CDYL: variants seen among roughly 807,000 people sequenced by gnomAD.
CDYL encodes chromodomain Y-like protein.
Under a neutral mutation model 47.3 loss-of-function variants are expected in CDYL, and 8 were observed. The ratio of observed to expected loss-of-function variants is 0.17; its 90% CI spans 0.10 to 0.31. CDYL has a LOEUF of 0.31. Among genes scored for constraint, CDYL ranks in the 10% least tolerant of loss-of-function variants. CDYL has a pLI of 1.00. For missense variants in CDYL, 471 were observed against 701.4 expected, an observed-to-expected ratio of 0.67 and a Z score of 3.71; for synonymous variants, 266 against 265.0, an observed-to-expected ratio of 1.00 and a Z score of -0.04.
intron 2 of CDYL, among the ~76,000 whole-genome samples, chr6:4,923,889 A>C (rs1430385121): frequency 4.2e-5 from 5 of 119,664 alleles, no homozygotes; most frequent in African/African-American, 1.3e-4. Context: ...TGACAGAGTG[A>C]GACTCCGTCT....
chr6:4,793,256 C>T (rs539080678), intron 1 of CDYL, among the ~76,000 whole-genome samples: 13 of 152,298 alleles, frequency 8.5e-5, no homozygotes, highest in African/African-American at 2.6e-4. Context: ...GATATAGCAG[C>T]GGGCATGACC....
chr6:4,709,681 C>T (rs1355520784), intron 1 of CDYL, among the ~76,000 whole-genome samples: 3 of 152,156 alleles, frequency 2.0e-5, no homozygotes, highest in Non-Finnish European at 4.4e-5. Flanking sequence ...TATATCTTTA[C>T]ACCTTTTTAA....
chr6:4,870,205 C>CAGGTGTGTGCCACTG (rs112540598), intron 1 of CDYL, among the ~76,000 whole-genome samples: 2 of 152,162 alleles, frequency 1.3e-5, no homozygotes, highest in East Asian at 1.9e-4. Context: ...GCTTGGACTA[C>CAGGTGTGTGCCACTG]AGGTGTGTGC....
At position 4,731,884 on chromosome 6, in the gene CDYL, G is replaced by A. The variant is rs370413519; in HGVS notation, c.104-2878G>A. 7.2e-5 allele frequency among the ~76,000 whole-genome samples: 11 copies of A among 152,004 alleles called. No individual in the cohort carries two copies. In the East Asian group the frequency reaches 1.9e-3, roughly 27 times the overall value. ...ATATGCAAGAAAATTCAAGGGACTA[G>A]TAATCTGTGGAAGGAGGGGGAAGAT... On this transcript the variant is annotated intron_variant, in intron 2 of 8. Transcript: ENST00000328908.
intron 2 of CDYL, among the ~76,000 whole-genome samples, chr6:4,932,861 T>C (rs11759391): frequency 1.3e-5 from 2 of 152,220 alleles, no homozygotes; most frequent in African/African-American, 4.8e-5. Flanking sequence ...ACAACTGCTG[T>C]GCCCACGTGT....
intron 1 of CDYL, among the ~76,000 whole-genome samples, chr6:4,850,302 A>G (rs1581210901): frequency 6.6e-6 from 1 of 152,224 alleles, no homozygotes; most frequent in Non-Finnish European, 1.5e-5. Flanking sequence ...TGGTTGAGCT[A>G]TGACTGAAGA....
chr6:4,716,852 G>C (rs1757274869), intron 2 of CDYL, among the ~76,000 whole-genome samples: 1 of 152,118 alleles, frequency 6.6e-6, no homozygotes, highest in Non-Finnish European at 1.5e-5. Context: ...CACTGACAAG[G>C]AGCTTTCATT....
chr6:4,900,339 C>G (rs1379564720), intron 2 of CDYL, among the ~76,000 whole-genome samples: 2 of 152,052 alleles, frequency 1.3e-5, no homozygotes, highest in African/African-American at 4.8e-5. Context: ...GTTGCAAGAC[C>G]AGTACAAGAA....
intron 5 of CDYL, among the ~76,000 whole-genome samples, chr6:4,946,655 G>A (rs1758525630): frequency 6.6e-6 from 1 of 152,178 alleles, no homozygotes; most frequent in African/African-American, 2.4e-5. Flanking sequence ...TCTGCCGCGG[G>A]CCCTGCCTGA....
Position 4,892,127 on chromosome 6 carries a change from A to G in CDYL, c.439A>G (p.Ser147Gly), listed in dbSNP as rs1246141238. 6.2e-7 allele frequency: 1 copy of G among 1,614,228 alleles called. No homozygotes were observed. The highest frequency in any genetic ancestry group is 8.5e-7 in the Non-Finnish European group (1 of 1,180,038). ...AGGTATCAAGATCCTCGTGCCTAAA[A>G]GCCCCGTTAAGAGCAGGACCGCAGT... Reference protein sequence around the residue: ...KSGIKILVPKSPVKSRTAVDG... With the variant: ...KSGIKILVPKGPVKSRTAVDG... Residue 147 changes from serine (S) to glycine (G), a missense_variant, in exon 2 of 7, where the codon AGC becomes GGC. Ser to Gly is a moderately conservative substitution (Grantham distance 56). Around this residue, in one of 3 missense-constraint regions of CDYL, gnomAD observed 311 missense variants for 350.0 expected, o/e 0.89. Coordinates refer to ENST00000397588, the MANE Select transcript of CDYL (RefSeq NM_004824.4).
intron 1 of CDYL, among the ~76,000 whole-genome samples, chr6:4,842,111 T>C (rs1341013156): frequency 6.9e-6 from 1 of 144,120 alleles, no homozygotes; most frequent in African/African-American, 2.5e-5. Flanking sequence ...ATTTATATTA[T>C]TTATATATAA....
At chr6:4,919,398 T>G (rs1015417441) in intron 2 of CDYL, among the ~76,000 whole-genome samples, 1 of 152,230 alleles carries the variant, frequency 6.6e-6, no homozygotes, top group Non-Finnish European at 1.5e-5. Flanking sequence ...AATTTATCAT[T>G]GATAATACAG....
chr6:4,906,921 A>G (rs942605024), intron 2 of CDYL, among the ~76,000 whole-genome samples: 2 of 152,190 alleles, frequency 1.3e-5, no homozygotes, highest in Non-Finnish European at 2.9e-5. Context: ...TCTATTAATC[A>G]CTGTTTACAG....
chr6:4,775,736 G>A (rs1264971343), upstream of CDYL, among the ~76,000 whole-genome samples: 5 of 148,024 alleles, frequency 3.4e-5, no homozygotes, highest in Non-Finnish European at 7.5e-5. The surrounding 1 kb of genome is among the most constrained non-coding windows in gnomAD (Gnocchi z 7.0). Flanking sequence ...CGGGGCGCGC[G>A]GCCCGGGCTC....
At chr6:4,874,339 A>G (rs1395342601) in intron 1 of CDYL, among the ~76,000 whole-genome samples, 1 of 152,060 alleles carries the variant, frequency 6.6e-6, no homozygotes, top group Non-Finnish European at 1.5e-5. Flanking sequence ...TTATATGTAC[A>G]TGTGCACGTT....
intron 2 of CDYL, among the ~76,000 whole-genome samples, chr6:4,930,099 G>A (rs1757989677): frequency 6.6e-6 from 1 of 152,174 alleles, no homozygotes; most frequent in Admixed American, 6.5e-5. Context: ...TGCCTGATCT[G>A]GGGTCTCTCT....
chr6:4,709,949 G>A (rs774176644), intron 1 of CDYL, among the ~76,000 whole-genome samples: 13 of 152,104 alleles, frequency 8.5e-5, no homozygotes, highest in South Asian at 2.1e-4. Flanking sequence ...GGCCAGGCAC[G>A]GTGGCTCATG....
intron 3 of CDYL, among the ~76,000 whole-genome samples, chr6:4,737,516 A>G (rs6934990): frequency 0.2 from 29,858 of 151,510 alleles, 2,997 homozygotes; most frequent in Admixed American, 0.22. Flanking sequence ...GCATGGTGGC[A>G]CATGCCTGTA....
chr6:4,905,517 T>C (rs1293832544), intron 2 of CDYL, among the ~76,000 whole-genome samples: 1 of 152,162 alleles, frequency 6.6e-6, no homozygotes, highest in Non-Finnish European at 1.5e-5. Context: ...AGTGGGGGGA[T>C]ATTTAGAAGC....
Sources: gnomAD v4.1 joint callset for allele counts (sites outside exome capture counted in the v4.1 genomes callset) on GRCh38, gnomAD v4.1.1 for gene constraint, gnomAD v4.1.1 regional missense constraint, Gnocchi (gnomAD v3.1) non-coding constraint, MANE v1.5 for transcripts, NCBI Gene and HGNC (gene_info 2026-07-23, HGNC 2026-07-21) for gene names.